The following WDR11 variants were observed in gnomAD, a reference collection of about 807,000 sequenced individuals.
WDR11 encodes WD repeat domain 11.
A neutral mutation model predicts 151.2 loss-of-function variants in WDR11; 83 were observed. That is an observed-to-expected ratio of 0.55 (90% confidence interval 0.46 to 0.66). The LOEUF is 0.66. WDR11 is among the 30% of genes least tolerant of loss of function. The probability of loss-of-function intolerance (pLI) is 0.00; values close to 1 mark genes in which losing one functional copy is unlikely to be tolerated. For missense variants in WDR11, 1,301 were observed against 1,480.9 expected, an observed-to-expected ratio of 0.88 and a Z score of 1.99; for synonymous variants, 484 against 533.1, an observed-to-expected ratio of 0.91 and a Z score of 1.27.
intron 19 of WDR11, 101 bp downstream of exon 19, chr10:120,890,988 C>G: frequency 7.9e-7 from 1 of 1,259,810 alleles, no homozygotes; most frequent in Non-Finnish European, 1.1e-6. Context: ...TCATTTCAGT[C>G]TTATTTTCTT....
At chr10:120,871,699 T>C (rs1002378860) in intron 10 of WDR11, among the ~76,000 whole-genome samples, 2 of 152,166 alleles carry the variant, frequency 1.3e-5, no homozygotes, top group Admixed American at 6.5e-5. Flanking sequence ...CATGTCAGTT[T>C]TCGTTGGGTC....
In WDR11 at chr10:120,900,179, G is replaced by A. The variant is rs1847762329; in HGVS notation, c.2624+42G>A. Reference sequence around the variant, plus strand: ...TCTTTTTCTTTCATAATTTACTTGGGGTTGAAAGACACCCATGAAAGTCAG... The same window carrying A: ...TCTTTTTCTTTCATAATTTACTTGGAGTTGAAAGACACCCATGAAAGTCAG... On this transcript the variant is annotated intron_variant, in intron 20 of 28. Transcript: ENST00000263461. 2.0e-6 allele frequency: 3 copies of A among 1,537,650 alleles called. No individual in the cohort carries two copies. In the African/African-American group the frequency reaches 4.1e-5, roughly 21 times the overall value.
intron 1 of WDR11, chr10:120,852,276 C>T: frequency 2.2e-6 from 1 of 449,868 alleles, no homozygotes; most frequent in South Asian, 2.2e-5. Flanking sequence ...TTTTTATGTC[C>T]TCGGGTCTCT....
chr10:120,901,950 G>T (rs1847837267), intron 21 of WDR11, among the ~76,000 whole-genome samples: 1 of 152,102 alleles, frequency 6.6e-6, no homozygotes, highest in African/African-American at 2.4e-5. Flanking sequence ...TTCAACAATG[G>T]CATTCTTGTT....
intron 28 of WDR11, chr10:120,908,268 T>G (rs1331988640): frequency 2.9e-5 from 5 of 170,406 alleles, no homozygotes; most frequent in African/African-American, 2.5e-4. Flanking sequence ...TTCAGTTGAG[T>G]GTAGGTTATG....
intron 2 of WDR11, among the ~76,000 whole-genome samples, chr10:120,857,488 A>G (rs1292684188): frequency 6.6e-6 from 1 of 152,172 alleles, no homozygotes; most frequent in Non-Finnish European, 1.5e-5. Flanking sequence ...TTCTATACCT[A>G]TGAACTTAAA....
At chr10:120,880,093 T>C (rs956975666) in intron 12 of WDR11, 5 of 152,168 alleles carry the variant, frequency 3.3e-5, no homozygotes, top group African/African-American at 1.2e-4. Context: ...CAAGAGTTTT[T>C]CCCCCACTAG....
At chr10:120,883,748 A>C in intron 13 of WDR11, 32 bp from the exon 14 acceptor site, 2 of 1,605,836 alleles carry the variant, frequency 1.2e-6, no homozygotes, top group South Asian at 2.2e-5. Flanking sequence ...TTTTGCAAAA[A>C]GGGGCTTATT....
intron 10 of WDR11, among the ~76,000 whole-genome samples, chr10:120,872,290 A>G (rs919064875): frequency 1.3e-5 from 2 of 152,232 alleles, no homozygotes; most frequent in Non-Finnish European, 2.9e-5. Flanking sequence ...TATATAATGC[A>G]GATAAATGTT....
chr10:120,908,849 T>A lies in WDR11; in HGVS notation c.*136T>A. 2.3e-6 allele frequency: 2 copies of A among 866,496 alleles called. No individual in the cohort carries two copies. The highest frequency in any genetic ancestry group is 3.7e-6 in the Non-Finnish European group (2 of 540,432). The allele number at this position is 866,496 out of a possible 1,614,324, so 53.7% of individuals were successfully genotyped here. A position where few individuals can be genotyped will look rare whatever the true frequency, so the allele number is the denominator to read the frequency against. ...CTGTTTGACCACTGTTCTAAGACTA[T>A]GTGTGCCCAAAAGCACATAAGCATC... On this transcript the variant is annotated 3_prime_UTR_variant, in exon 29 of 29. Coordinates refer to ENST00000263461, the MANE Select transcript of WDR11 (RefSeq NM_018117.12).
chr10:120,900,956 A>T, intron 20 of WDR11, 80 bp from the exon 21 acceptor site: 1 of 1,051,390 alleles, frequency 9.5e-7, no homozygotes, highest in Non-Finnish European at 1.5e-6. Context: ...TCTCTATATT[A>T]ACACAACTTT....
At chr10:120,886,553 T>C (rs1427380869) in intron 15 of WDR11, 136 bp from the exon 16 acceptor site, 5 of 1,066,050 alleles carry the variant, frequency 4.7e-6, no homozygotes, top group Non-Finnish European at 6.7e-6. Flanking sequence ...GCTGGGCAAA[T>C]ATTAGTTTCA....
At chr10:120,872,356 A>G (rs937708312) in intron 10 of WDR11, among the ~76,000 whole-genome samples, 2 of 152,246 alleles carry the variant, frequency 1.3e-5, no homozygotes, top group African/African-American at 4.8e-5. Context: ...GATTTTAATT[A>G]GGATTCATCA....
At chr10:120,889,000 A>G (rs1847322681) in intron 16 of WDR11, 78 bp from the exon 17 acceptor site, 1 of 1,117,890 alleles carries the variant, frequency 8.9e-7, no homozygotes. Flanking sequence ...CTTTAAATTA[A>G]GTTTTATTAA....
At chr10:120,888,988 C>A in intron 16 of WDR11, 90 bp from the exon 17 acceptor site, 1 of 972,700 alleles carries the variant, frequency 1.0e-6, no homozygotes, top group Non-Finnish European at 1.6e-6. Context: ...TAAAGCACAG[C>A]CCTTTAAATT....
At chr10:120,865,985 A>G (rs1846298248) in intron 7 of WDR11, among the ~76,000 whole-genome samples, 1 of 151,998 alleles carries the variant, frequency 6.6e-6, no homozygotes, top group Non-Finnish European at 1.5e-5. Context: ...GATCATATCC[A>G]TGAGCCAAGT....
Position 120,870,860 on chromosome 10 carries a change from C to G in WDR11, c.1295-310C>G, listed in dbSNP as rs115061526. On this transcript the variant is annotated intron_variant, in intron 9 of 28. Coordinates refer to ENST00000263461, the MANE Select transcript of WDR11 (RefSeq NM_018117.12). The stretch of plus-strand genomic sequence containing the variant: ...CTAATGCAAGTTCTCTTGCTTTGTT[C>G]TGAAGCCTGTGTAGTGCTTTAATAC... Among the ~76,000 whole-genome samples, 1,459 of 152,252 alleles carry G rather than the reference C, an allele frequency of 9.6e-3. 22 individuals are homozygous for G. The highest frequency in any genetic ancestry group is 0.033 in the African/African-American group (1,389 of 41,550).
chr10:120,884,275 A>T (rs931396552), intron 14 of WDR11, among the ~76,000 whole-genome samples: 4 of 152,172 alleles, frequency 2.6e-5, no homozygotes, highest in African/African-American at 9.6e-5. Context: ...TGGAAATAAA[A>T]TCAGTATTGT....
chr10:120,853,938 C>A (rs1278834774), intron 2 of WDR11, among the ~76,000 whole-genome samples: 1 of 152,046 alleles, frequency 6.6e-6, no homozygotes, highest in African/African-American at 2.4e-5. Context: ...ATCTGAGATG[C>A]CTGTAATATA....
Sources: allele counts gnomAD v4.1 joint callset (sites outside exome capture counted in the v4.1 genomes callset), GRCh38; gene constraint gnomAD v4.1.1; transcripts MANE v1.5; gene names NCBI Gene and HGNC (gene_info 2026-07-23, HGNC 2026-07-21).